ADCY5: variants seen among roughly 807,000 people sequenced by gnomAD.
ADCY5 encodes the protein adenylate cyclase 5.
Under a neutral mutation model 119.7 loss-of-function variants are expected in ADCY5, and 30 were observed. The ratio of observed to expected loss-of-function variants is 0.25; its 90% CI spans 0.19 to 0.34. The LOEUF (loss-of-function observed/expected upper bound fraction) is 0.34. Among genes scored for constraint, ADCY5 ranks in the 10% least tolerant of loss-of-function variants. ADCY5 has a pLI of 1.00. For synonymous variants in ADCY5, 753 were observed against 762.2 expected (o/e 0.99, Z 0.20); for missense variants, 1,324 against 1,775.2 (o/e 0.75, Z 4.57).
At chr3:123,444,466 C>A (rs745322883) in intron 1 of ADCY5, among the ~76,000 whole-genome samples, 3 of 151,778 alleles carry the variant, frequency 2.0e-5, no homozygotes, top group African/African-American at 7.3e-5. Flanking sequence ...GAGAAGGAGC[C>A]GAGGGGGAGG....
At chr3:123,379,930 G>A (rs948918327) in intron 1 of ADCY5, among the ~76,000 whole-genome samples, 1 of 152,146 alleles carries the variant, frequency 6.6e-6, no homozygotes, top group Non-Finnish European at 1.5e-5. Flanking sequence ...ACTCAAAGGA[G>A]AAGCCAACTC....
intron 1 of ADCY5, chr3:123,418,853 ACT>A (rs1443657265): frequency 6.6e-6 from 1 of 152,020 alleles, no homozygotes; most frequent in African/African-American, 2.4e-5. Flanking sequence ...GGGAGAATTC[ACT>A]CTCTTCTTGA....
chr3:123,370,599 AC>A (rs1943601527), intron 1 of ADCY5, among the ~76,000 whole-genome samples: 1 of 152,216 alleles, frequency 6.6e-6, no homozygotes, highest in Non-Finnish European at 1.5e-5. Flanking sequence ...TGGTGGAGCA[AC>A]CCCATGGAAC....
At chr3:123,378,059 C>A (rs115070940) in intron 1 of ADCY5, among the ~76,000 whole-genome samples, 1,852 of 152,118 alleles carry the variant, frequency 0.012, 28 homozygotes, top group African/African-American at 0.04. Context: ...AAGCACTCAA[C>A]CAAAGCTTCT....
chr3:123,375,796 G>A (rs1055542419), intron 1 of ADCY5, among the ~76,000 whole-genome samples: 1 of 152,222 alleles, frequency 6.6e-6, no homozygotes, highest in African/African-American at 2.4e-5. Context: ...GCTGGGCAGA[G>A]TGACCACGAG....
chr3:123,353,440 T>C (rs1202758435), intron 1 of ADCY5, among the ~76,000 whole-genome samples: 1 of 152,214 alleles, frequency 6.6e-6, no homozygotes, highest in African/African-American at 2.4e-5. Context: ...CCTGGATATC[T>C]GAGTACATGG....
rs771123011 is a variant in ADCY5 at position 123,284,580 on chromosome 3, G to A, written c.*28C>T. Reference sequence around the variant, plus strand: ...CTGCTTCCATGCCTCTGGAGGCCAGGCTGCCTGGCACCATTGGCCAACAGC... The same window carrying A: ...CTGCTTCCATGCCTCTGGAGGCCAGACTGCCTGGCACCATTGGCCAACAGC... On this transcript the variant is annotated 3_prime_UTR_variant, in exon 21 of 21. Coordinates refer to ENST00000462833, the MANE Select transcript of ADCY5 (RefSeq NM_183357.3). The A allele has an allele frequency of 6.2e-7, 1 of 1,613,314 alleles. No individual in the cohort carries two copies. Among genetic ancestry groups the A allele is most frequent in the South Asian group, 1.1e-5 (1 of 91,048 alleles).
chr3:123,350,901 T>C (rs1474448615), intron 2 of ADCY5, among the ~76,000 whole-genome samples: 4 of 152,074 alleles, frequency 2.6e-5, no homozygotes, highest in African/African-American at 9.7e-5. Context: ...TGAGAGATGC[T>C]GAGGCCTGGA....
chr3:123,340,502 C>T (rs939223036), intron 3 of ADCY5, among the ~76,000 whole-genome samples: 6 of 152,042 alleles, frequency 3.9e-5, no homozygotes, highest in Admixed American at 1.3e-4. Context: ...AAGACATAGC[C>T]GGGCAAATTC....
At chr3:123,398,380 C>A (rs1944663365) in intron 1 of ADCY5, among the ~76,000 whole-genome samples, 1 of 152,158 alleles carries the variant, frequency 6.6e-6, no homozygotes, top group Admixed American at 6.5e-5. Flanking sequence ...CTGGGGTCTC[C>A]TGGACTGAGA....
At chr3:123,302,841 C>T (rs959527852) in intron 14 of ADCY5, among the ~76,000 whole-genome samples, 4 of 152,150 alleles carry the variant, frequency 2.6e-5, no homozygotes, top group Non-Finnish European at 4.4e-5. Context: ...ACAGCTACAC[C>T]GCTTTAACAG....
At chr3:123,297,321 G>T in intron 16 of ADCY5, 32 bp downstream of exon 16, 1 of 1,611,996 alleles carries the variant, frequency 6.2e-7, no homozygotes. Context: ...CTGAGGGCAG[G>T]GAGCGACCCT....
intron 12 of ADCY5, among the ~76,000 whole-genome samples, chr3:123,311,429 A>G (rs1940572920): frequency 1.3e-5 from 2 of 152,210 alleles, no homozygotes; most frequent in African/African-American, 2.4e-5. Context: ...CGCCATGCAC[A>G]TGGCAGGAGG....
chr3:123,295,719 GC>G (rs755951045), intron 17 of ADCY5, among the ~76,000 whole-genome samples: 175 of 152,080 alleles, frequency 1.2e-3, no homozygotes, highest in Non-Finnish European at 1.9e-3. Context: ...ATGCCTTGCT[GC>G]CCCCACCACA....
intron 1 of ADCY5, among the ~76,000 whole-genome samples, chr3:123,445,170 C>T (rs959183944): frequency 1.3e-5 from 2 of 152,318 alleles, no homozygotes; most frequent in African/African-American, 4.8e-5. Context: ...ACCCAAAATC[C>T]TACAGCCTTG....
intron 1 of ADCY5, among the ~76,000 whole-genome samples, chr3:123,376,397 C>T (rs1304651765): frequency 1.4e-5 from 2 of 145,844 alleles, no homozygotes; most frequent in Admixed American, 6.9e-5. Context: ...TCTTGGCCTT[C>T]GTGCATTTGT....
intron 12 of ADCY5, among the ~76,000 whole-genome samples, chr3:123,305,289 C>T (rs1371169487): frequency 6.6e-6 from 1 of 152,220 alleles, no homozygotes; most frequent in Non-Finnish European, 1.5e-5. Flanking sequence ...TGCCAGACCA[C>T]AAGGCTTCTC....
intron 1 of ADCY5, among the ~76,000 whole-genome samples, chr3:123,391,336 T>G (rs748963543): frequency 4.6e-5 from 7 of 152,166 alleles, no homozygotes; most frequent in Non-Finnish European, 4.4e-5. Context: ...GACCACAGAC[T>G]GTCTAAACAC....
chr3:123,283,387 G>A lies in ADCY5; in HGVS notation c.*1221C>T, dbSNP rs758486233. The A allele has an allele frequency of 6.6e-6, 1 of 152,264 alleles. No individual in the cohort carries two copies. Among genetic ancestry groups the A allele is most frequent in the Non-Finnish European group, 1.5e-5 (1 of 68,064 alleles). The allele number at this position is 152,264 out of a possible 1,614,324, so 9.4% of individuals were successfully genotyped here. On this transcript the variant is annotated 3_prime_UTR_variant, in exon 21 of 21. Transcript: ENST00000462833. ...GTCGCAGGATGAGATTGCTTCCCTT[G>A]GTTCCAGCTCGGCCTGGGATGGGAA...
Sources: allele counts gnomAD v4.1 joint callset (sites outside exome capture counted in the v4.1 genomes callset), GRCh38; gene constraint gnomAD v4.1.1; transcripts MANE v1.5; gene names NCBI Gene and HGNC (gene_info 2026-07-23, HGNC 2026-07-21).